Variants in XRN2 observed in about 807,000 individuals in gnomAD.
XRN2 encodes 5'-3' exoribonuclease 2.
XRN2 carries 44 observed loss-of-function variants against 138.5 expected under a neutral mutation model. The ratio of observed to expected loss-of-function variants is 0.32; its 90% CI spans 0.25 to 0.41. The LOEUF (loss-of-function observed/expected upper bound fraction) is 0.41, where lower values mean the gene tolerates loss of function less well. Among genes scored for constraint, XRN2 ranks in the 10% least tolerant of loss-of-function variants. The pLI, the probability that XRN2 is intolerant of heterozygous loss-of-function variation, is 1.00. For missense variants in XRN2, 937 were observed against 1,169.3 expected (o/e 0.80, Z 2.90); for synonymous variants, 354 against 369.4 (o/e 0.96, Z 0.48).
intron 20 of XRN2, among the ~76,000 whole-genome samples, chr20:21,351,316 A>G (rs1416543521): frequency 6.6e-6 from 1 of 152,104 alleles, no homozygotes; most frequent in Non-Finnish European, 1.5e-5. Flanking sequence ...ATGGTATTTC[A>G]TTGTGGTGGC....
intron 22 of XRN2, 76 bp downstream of exon 22, chr20:21,356,253 C>T (rs1349458917): frequency 3.6e-6 from 4 of 1,112,656 alleles, no homozygotes; most frequent in Non-Finnish European, 5.2e-6. Flanking sequence ...TAAAATTTAC[C>T]ATTATAACCA....
At chr20:21,318,812 G>A (rs1236443450) in intron 1 of XRN2, among the ~76,000 whole-genome samples, 3 of 151,872 alleles carry the variant, frequency 2.0e-5, no homozygotes, top group African/African-American at 4.8e-5. Context: ...TGGTCAGAGT[G>A]TATACTTTGT....
intron 27 of XRN2, among the ~76,000 whole-genome samples, chr20:21,376,993 G>T (rs759275142): frequency 1.3e-5 from 2 of 152,068 alleles, no homozygotes; most frequent in Non-Finnish European, 2.9e-5. Flanking sequence ...GAGTTGAATA[G>T]ATTGATGGAT....
At chr20:21,326,755 T>G (rs185830641) in intron 3 of XRN2, among the ~76,000 whole-genome samples, 154 bp downstream of exon 3, 32 of 152,288 alleles carry the variant, frequency 2.1e-4, no homozygotes, top group Middle Eastern at 3.4e-3. Flanking sequence ...AGATGTTTTT[T>G]TGTGTGTGTG....
chr20:21,369,183 G>T (rs573276350), intron 27 of XRN2, among the ~76,000 whole-genome samples: 3 of 152,238 alleles, frequency 2.0e-5, no homozygotes, highest in African/African-American at 7.2e-5. Flanking sequence ...TTTTGTGCCT[G>T]ACTTGTTTCA....
intron 27 of XRN2, among the ~76,000 whole-genome samples, chr20:21,368,794 T>C (rs903879481): frequency 6.6e-6 from 1 of 152,188 alleles, no homozygotes; most frequent in Non-Finnish European, 1.5e-5. Flanking sequence ...GGGTACATTG[T>C]AGCTGTATAT....
chr20:21,347,617 TTC>T (rs1281178249), intron 17 of XRN2, among the ~76,000 whole-genome samples: 2 of 152,260 alleles, frequency 1.3e-5, no homozygotes, highest in African/African-American at 4.8e-5. Flanking sequence ...TGCTTTTGTT[TTC>T]TTTTTGCTGT....
chr20:21,323,051 T>C (rs2038069107), intron 1 of XRN2, among the ~76,000 whole-genome samples: 1 of 152,068 alleles, frequency 6.6e-6, no homozygotes, highest in Non-Finnish European at 1.5e-5. Flanking sequence ...AGGGCAGGAG[T>C]TGACCCATCT....
Position 21,332,271 on chromosome 20 carries a change from GTTGA to G in XRN2, c.701-6_701-3del, listed in dbSNP as rs1324548213. 2 of 1,605,232 alleles carry G rather than the reference GTTGA, an allele frequency of 1.2e-6. No individual in the cohort carries two copies. Among genetic ancestry groups the G allele is most frequent in the African/African-American group, 2.7e-5 (2 of 74,298 alleles). On this transcript the variant is annotated splice_polypyrimidine_tract_variant and splice_region_variant and intron_variant, in intron 8 of 29. Coordinates refer to ENST00000377191, the MANE Select transcript of XRN2 (RefSeq NM_012255.5). ...CTCACTGTTCGATGTTTTTCTCATTGTTGATTGATAGCTGATCTCATTATGCTTG... is the reference window on the plus strand; with the variant it reads ...CTCACTGTTCGATGTTTTTCTCATTGTTGATAGCTGATCTCATTATGCTTG...
chr20:21,357,409 G>T (rs374576437), intron 23 of XRN2, among the ~76,000 whole-genome samples: 1 of 152,174 alleles, frequency 6.6e-6, no homozygotes, highest in Non-Finnish European at 1.5e-5. Context: ...CAGTTTGTGA[G>T]AGATCTTGTT....
chr20:21,346,378 T>C lies in XRN2; in HGVS notation c.1530-37T>C, dbSNP rs767261985. 6 of 1,611,474 alleles carry C rather than the reference T, an allele frequency of 3.7e-6. No individual in the cohort carries two copies. The East Asian group carries it at 1.3e-4, about 36-fold the overall frequency. On this transcript the variant is annotated intron_variant, in intron 16 of 29. Coordinates refer to ENST00000377191, the MANE Select transcript of XRN2 (RefSeq NM_012255.5). ...AGTAGACAGCCTGTTACTGAAGGTG[T>C]GTTAATTCAGCATAAATGAGCTGTG...
chr20:21,314,848 C>T (rs943358399), intron 1 of XRN2, among the ~76,000 whole-genome samples: 5 of 152,158 alleles, frequency 3.3e-5, no homozygotes, highest in African/African-American at 7.2e-5. Context: ...CAAGGACATC[C>T]ATGTACAATG....
At chr20:21,324,809 A>G (rs979942095) in intron 1 of XRN2, among the ~76,000 whole-genome samples, 4 of 152,072 alleles carry the variant, frequency 2.6e-5, no homozygotes, top group African/African-American at 9.7e-5. Context: ...TTAAATTTCT[A>G]TTTCTAACAG....
intron 27 of XRN2, among the ~76,000 whole-genome samples, chr20:21,375,212 A>T: frequency 6.7e-6 from 1 of 148,556 alleles, no homozygotes. Context: ...GAACCTATTT[A>T]ATTTTATTGT....
chr20:21,312,075 G>T (rs1035457089), intron 1 of XRN2, among the ~76,000 whole-genome samples: 3 of 152,012 alleles, frequency 2.0e-5, no homozygotes, highest in Admixed American at 1.3e-4. Context: ...TCTGTTCATT[G>T]TTTCAGTTTC....
chr20:21,304,772 G>A (rs749995253), intron 1 of XRN2, among the ~76,000 whole-genome samples: 4 of 151,972 alleles, frequency 2.6e-5, no homozygotes, highest in Non-Finnish European at 5.9e-5. Context: ...TCATTCCATC[G>A]CCTGTGTAAC....
intron 26 of XRN2, 144 bp from the exon 27 acceptor site, chr20:21,368,311 CTTTAATTA>C: frequency 1.1e-6 from 1 of 874,254 alleles, no homozygotes; most frequent in South Asian, 2.8e-5. Flanking sequence ...TAGTTTTGAG[CTTTAATTA>C]TAAACCACCT....
intron 29 of XRN2, 119 bp from the exon 30 acceptor site, chr20:21,389,154 C>A: frequency 1.2e-6 from 1 of 856,314 alleles, no homozygotes; most frequent in South Asian, 1.9e-5. Context: ...TTTCCATGTG[C>A]TGTACCTTTA....
intron 24 of XRN2, among the ~76,000 whole-genome samples, chr20:21,358,849 G>A (rs532763246): frequency 1.3e-5 from 2 of 152,276 alleles, no homozygotes; most frequent in African/African-American, 4.8e-5. Flanking sequence ...AGAATTGAAA[G>A]CCACGCTCCT....
Sources: allele counts gnomAD v4.1 joint callset (sites outside exome capture counted in the v4.1 genomes callset), GRCh38; gene constraint gnomAD v4.1.1; transcripts MANE v1.5; gene names NCBI Gene and HGNC (gene_info 2026-07-23, HGNC 2026-07-21).